The following PPM1B variants were observed in gnomAD, a reference collection of about 807,000 sequenced individuals.
PPM1B encodes the protein protein phosphatase 1B.
Under a neutral mutation model 43.0 loss-of-function variants are expected in PPM1B, and 22 were observed. That is an observed-to-expected ratio of 0.51 (90% CI 0.37 to 0.73). The LOEUF (loss-of-function observed/expected upper bound fraction) is 0.73, where lower values mean the gene tolerates loss of function less well. Among genes scored for constraint, PPM1B ranks in the 30% least tolerant of loss-of-function variants. The pLI, the probability that PPM1B is intolerant of heterozygous loss-of-function variation, is 0.00. For missense variants in PPM1B, 632 were observed against 584.2 expected (o/e 1.08, Z -0.84); for synonymous variants, 217 against 197.9 (o/e 1.10, Z -0.81).
chr2:44,230,617 G>T lies in PPM1B; in HGVS notation c.1339G>T (p.Val447Leu), dbSNP rs368791006. ...TSSNSDAGNP[V>L]TMQESHTESE... ...TTCGAACAGTGATGCTGGAAACCCA[G>T]TGACAATGCAGGAAAGCCATACTGA... Residue 447 changes from valine to leucine, a missense_variant, in exon 6 of 6, where the codon GTG becomes TTG. Physicochemically the swap from Val to Leu is conservative, Grantham distance 32 (BLOSUM62 1). Transcript: ENST00000282412. 15 of 1,614,076 alleles carry T rather than the reference G, an allele frequency of 9.3e-6. No homozygotes were observed. Among genetic ancestry groups the T allele is most frequent in the Middle Eastern group, 3.3e-4 (2 of 6,084 alleles).
At position 44,217,952 on chromosome 2, in the gene PPM1B, T is replaced by G; in HGVS notation, c.965-15T>G. The G allele has an allele frequency of 6.4e-7, 1 of 1,555,336 alleles. No homozygotes were observed. Among genetic ancestry groups the G allele is most frequent in the Non-Finnish European group, 8.7e-7 (1 of 1,152,846 alleles). The stretch of plus-strand genomic sequence containing the variant: ...TATCACATTAATTTAGGAACTTTTT[T>G]TAAAAAACCTACAGAGATTATGGAG... On this transcript the variant is annotated splice_polypyrimidine_tract_variant and intron_variant, in intron 3 of 5. Transcript: ENST00000282412.
chr2:44,208,111 A>G (rs1421932710), intron 2 of PPM1B, among the ~76,000 whole-genome samples: 1 of 150,512 alleles, frequency 6.6e-6, no homozygotes, highest in Admixed American at 6.6e-5. Flanking sequence ...GCTGGTCTTG[A>G]ACCCCTCACC....
chr2:44,229,651 C>A (rs563644400), intron 5 of PPM1B, among the ~76,000 whole-genome samples: 1 of 152,226 alleles, frequency 6.6e-6, no homozygotes, highest in African/African-American at 2.4e-5. Context: ...CATGACTGTA[C>A]TTTATAATGC....
intron 2 of PPM1B, among the ~76,000 whole-genome samples, chr2:44,205,109 C>G (rs966781791): frequency 1.3e-5 from 2 of 152,100 alleles, no homozygotes; most frequent in Non-Finnish European, 2.9e-5. Flanking sequence ...CTTTTCATAA[C>G]TTGTAAATGA....
downstream of PPM1B, chr2:44,233,186 A>T (rs889751042): frequency 2.1e-6 from 2 of 940,444 alleles, no homozygotes; most frequent in Admixed American, 6.2e-5. Flanking sequence ...AGCTTTTAAG[A>T]TACGAGTTTT....
intron 1 of PPM1B, among the ~76,000 whole-genome samples, chr2:44,171,954 T>C (rs377618451): frequency 4.5e-4 from 68 of 152,340 alleles, no homozygotes; most frequent in African/African-American, 1.6e-3. Flanking sequence ...ACTCTCGCTT[T>C]TAAAAATGCA....
At position 44,187,157 on chromosome 2, in the gene PPM1B, A is replaced by T. The variant is rs924091157; in HGVS notation, c.-14-14029A>T. Reference sequence around the variant, plus strand: ...TTTTCTATGAATTTGACTGTTTTAGATACCCCATGTAAGTGGAATCATGTA... The same window carrying T: ...TTTTCTATGAATTTGACTGTTTTAGTTACCCCATGTAAGTGGAATCATGTA... On this transcript the variant is annotated intron_variant, in intron 1 of 5. Transcript: ENST00000282412. 4.6e-5 allele frequency among the ~76,000 whole-genome samples: 7 copies of T among 152,106 alleles called. No homozygotes were observed. In the South Asian group the frequency reaches 1.5e-3, roughly 32 times the overall value.
At chr2:44,178,709 A>G (rs1398936077) in intron 1 of PPM1B, among the ~76,000 whole-genome samples, 3 of 151,824 alleles carry the variant, frequency 2.0e-5, no homozygotes, top group Non-Finnish European at 2.9e-5. Flanking sequence ...ACCTCAGGTG[A>G]TCCTCCCGCC....
At chr2:44,181,147 G>A (rs753907833) in intron 1 of PPM1B, among the ~76,000 whole-genome samples, 1 of 152,126 alleles carries the variant, frequency 6.6e-6, no homozygotes, top group Non-Finnish European at 1.5e-5. Flanking sequence ...GTCTCAGTAT[G>A]TTGCCCAAGC....
chr2:44,221,665 T>C (rs1453860017), intron 5 of PPM1B, among the ~76,000 whole-genome samples: 1 of 152,204 alleles, frequency 6.6e-6, no homozygotes, highest in African/African-American at 2.4e-5. Flanking sequence ...AGGGTTTCTT[T>C]AGACTCCTGA....
At chr2:44,198,744 T>G (rs560456031) in intron 1 of PPM1B, among the ~76,000 whole-genome samples, 1 of 152,216 alleles carries the variant, frequency 6.6e-6, no homozygotes, top group African/African-American at 2.4e-5. Flanking sequence ...GGGGCTTGGT[T>G]TCGGACCAGA....
At chr2:44,177,527 T>C (rs1015935997) in intron 1 of PPM1B, among the ~76,000 whole-genome samples, 3 of 150,902 alleles carry the variant, frequency 2.0e-5, no homozygotes, top group Non-Finnish European at 4.4e-5. Context: ...TAAGTAATTC[T>C]CCTGTCTCAG....
At chr2:44,194,222 C>T (rs1176341231) in intron 1 of PPM1B, among the ~76,000 whole-genome samples, 5 of 151,582 alleles carry the variant, frequency 3.3e-5, no homozygotes, top group Non-Finnish European at 7.4e-5. Flanking sequence ...TGGATAGCTC[C>T]TCATATTTAA....
At chr2:44,202,694 G>C (rs1016719427) in intron 2 of PPM1B, among the ~76,000 whole-genome samples, 2 of 151,982 alleles carry the variant, frequency 1.3e-5, no homozygotes, top group African/African-American at 4.8e-5. Flanking sequence ...AAAAACCAAA[G>C]GCTTCTATAA....
intron 1 of PPM1B, among the ~76,000 whole-genome samples, chr2:44,171,418 A>C (rs1667338086): frequency 6.6e-6 from 1 of 152,202 alleles, no homozygotes; most frequent in Admixed American, 6.5e-5. Flanking sequence ...TCTTTTCTAT[A>C]ACAAACATTT....
intron 1 of PPM1B, among the ~76,000 whole-genome samples, chr2:44,199,323 A>AT (rs1553331491): frequency 1.0e-5 from 1 of 97,868 alleles, no homozygotes; most frequent in Non-Finnish European, 2.1e-5. Flanking sequence ...AAAAATAAAA[A>AT]TAAAAAAAAA....
intron 1 of PPM1B, among the ~76,000 whole-genome samples, chr2:44,186,762 G>T (rs149030770): frequency 9.2e-5 from 14 of 152,312 alleles, no homozygotes; most frequent in Middle Eastern, 3.4e-3. Flanking sequence ...AATGTCAAAG[G>T]AATTTTCTGT....
intron 2 of PPM1B, among the ~76,000 whole-genome samples, chr2:44,204,264 A>G (rs1222652385): frequency 6.6e-6 from 1 of 152,234 alleles, no homozygotes; most frequent in African/African-American, 2.4e-5. Flanking sequence ...TTGTAAAAGC[A>G]AGGGTTAGCA....
intron 2 of PPM1B, among the ~76,000 whole-genome samples, chr2:44,203,081 A>T (rs1489566359): frequency 1.3e-5 from 2 of 152,204 alleles, no homozygotes; most frequent in Non-Finnish European, 2.9e-5. Flanking sequence ...ATAACCAGAA[A>T]GTTTTTCAGA....
Sources: gnomAD v4.1 joint callset for allele counts (sites outside exome capture counted in the v4.1 genomes callset) on GRCh38, gnomAD v4.1.1 for gene constraint, MANE v1.5 for transcripts, NCBI Gene and HGNC (gene_info 2026-07-23, HGNC 2026-07-21) for gene names.